ADAMTS17: variants seen among roughly 807,000 people sequenced by gnomAD.
The protein encoded by ADAMTS17 is A disintegrin and metalloproteinase with thrombospondin motifs 17.
Under a neutral mutation model 141.5 loss-of-function variants are expected in ADAMTS17, and 113 were observed. The observed-to-expected ratio is 0.80, with a 90% CI of 0.69 to 0.93. The LOEUF is 0.93. Ranked by LOEUF, ADAMTS17 falls within the 40% of genes least tolerant of loss-of-function variation. The pLI, the probability that ADAMTS17 is intolerant of heterozygous loss-of-function variation, is 0.00. For missense variants in ADAMTS17, 1,659 were observed against 1,517.9 expected, an observed-to-expected ratio of 1.09 and a Z score of -1.54; for synonymous variants, 768 against 630.6, an observed-to-expected ratio of 1.22 and a Z score of -3.27.
rs2033945202 is a variant in ADAMTS17, at chr15:100,071,188, C to T, written c.2138-17134G>A. On this transcript the variant is annotated intron_variant, in intron 15 of 21. Coordinates refer to ENST00000268070, the MANE Select transcript of ADAMTS17 (RefSeq NM_139057.4). Reference sequence around the variant, plus strand: ...ACACATACTCCCTCCCAAGACTAAACCAGGAAGAAGTTGAATCTCTGAATA... The same window carrying T: ...ACACATACTCCCTCCCAAGACTAAATCAGGAAGAAGTTGAATCTCTGAATA... Among the ~76,000 whole-genome samples, 3 of 150,326 alleles carry T rather than the reference C, an allele frequency of 2.0e-5. 1 individual carries two copies. The highest frequency in any genetic ancestry group is 3.0e-5 in the Non-Finnish European group (2 of 67,562).
intron 15 of ADAMTS17, among the ~76,000 whole-genome samples, chr15:100,092,328 C>A (rs1263883823): frequency 6.6e-6 from 1 of 152,202 alleles, no homozygotes; most frequent in Non-Finnish European, 1.5e-5. Flanking sequence ...ACACAACTTA[C>A]TCCCATTGAT....
intron 18 of ADAMTS17, among the ~76,000 whole-genome samples, chr15:100,017,484 T>G (rs1343760023): frequency 1.3e-5 from 2 of 152,240 alleles, no homozygotes; most frequent in Non-Finnish European, 2.9e-5. Flanking sequence ...TGGATCCCTG[T>G]GGTGCCAGGC....
At chr15:100,314,245 G>C (rs2045492320) in intron 3 of ADAMTS17, among the ~76,000 whole-genome samples, 1 of 152,228 alleles carries the variant, frequency 6.6e-6, no homozygotes, top group Admixed American at 6.5e-5. Flanking sequence ...TGTGAGTCTA[G>C]ACTGGATTCT....
intron 8 of ADAMTS17, among the ~76,000 whole-genome samples, chr15:100,162,280 A>G (rs1225567248): frequency 6.6e-6 from 1 of 151,634 alleles, no homozygotes; most frequent in Non-Finnish European, 1.5e-5. Context: ...CAGTCAAAGT[A>G]GCCTTGCCTG....
chr15:100,280,872 C>T (rs866555692), intron 4 of ADAMTS17, among the ~76,000 whole-genome samples: 36 of 151,908 alleles, frequency 2.4e-4, no homozygotes, highest in South Asian at 1.9e-3. Context: ...GGAATTTGTT[C>T]CCCCCGCTAG....
intron 18 of ADAMTS17, among the ~76,000 whole-genome samples, chr15:100,021,301 C>A (rs149582534): frequency 6.6e-6 from 1 of 152,134 alleles, no homozygotes; most frequent in African/African-American, 2.4e-5. Flanking sequence ...AAAGACCAGA[C>A]ATGCAGGGTT....
chr15:100,310,445 C>T (rs968488208), intron 3 of ADAMTS17, among the ~76,000 whole-genome samples: 1 of 152,242 alleles, frequency 6.6e-6, no homozygotes, highest in African/African-American at 2.4e-5. Context: ...AGGGGCCCAG[C>T]AGGCCAAGCA....
intron 15 of ADAMTS17, among the ~76,000 whole-genome samples, chr15:100,081,817 A>G (rs781292158): frequency 6.6e-6 from 1 of 152,210 alleles, no homozygotes; most frequent in Admixed American, 6.5e-5. Flanking sequence ...CTGATAACCA[A>G]CAAGGCTCAG....
chr15:100,305,151 A>T (rs1415122297), intron 3 of ADAMTS17, among the ~76,000 whole-genome samples: 1 of 152,098 alleles, frequency 6.6e-6, no homozygotes, highest in Non-Finnish European at 1.5e-5. Flanking sequence ...AGTACCCTTC[A>T]TCCTCAACCC....
At chr15:100,127,770 C>T (rs1483607311) in intron 12 of ADAMTS17, among the ~76,000 whole-genome samples, 1 of 133,812 alleles carries the variant, frequency 7.5e-6, no homozygotes, top group African/African-American at 2.5e-5. Flanking sequence ...TTAGTAGAGA[C>T]AGGGTTTCAC....
At chr15:100,011,330 AGGGAGGGAAGGAAAGGAGGAGGGAC>A (rs1387237334) in intron 18 of ADAMTS17, among the ~76,000 whole-genome samples, 3 of 100,614 alleles carry the variant, frequency 3.0e-5, no homozygotes, top group Non-Finnish European at 6.5e-5. Context: ...GATGGGAGGG[AGGGAGGGAAGGAAAGGAGGAGGGAC>A]GGGAGGGAGA....
intron 15 of ADAMTS17, among the ~76,000 whole-genome samples, chr15:100,070,651 A>G (rs1306322474): frequency 6.7e-6 from 1 of 150,272 alleles, no homozygotes; most frequent in African/African-American, 2.5e-5. Flanking sequence ...TACTGGGTAC[A>G]TAACGAAATG....
chr15:100,323,691 G>A (rs951996809), intron 3 of ADAMTS17, among the ~76,000 whole-genome samples: 3 of 152,088 alleles, frequency 2.0e-5, no homozygotes, highest in East Asian at 1.9e-4. Context: ...CCAGTTCTTC[G>A]AAAAGGTTAA....
intron 18 of ADAMTS17, among the ~76,000 whole-genome samples, chr15:100,004,617 C>CTTTTTTT (rs10591279): frequency 2.6e-5 from 3 of 116,240 alleles, no homozygotes; most frequent in Non-Finnish European, 5.3e-5. Flanking sequence ...TACTGTAATT[C>CTTTTTTT]TTTTTTTTTT....
chr15:100,164,936 A>G (rs1162711586), intron 8 of ADAMTS17, among the ~76,000 whole-genome samples: 4 of 152,262 alleles, frequency 2.6e-5, no homozygotes, highest in Admixed American at 2.6e-4. Flanking sequence ...CATCTATACC[A>G]TGTGTTGCTC....
intron 20 of ADAMTS17, among the ~76,000 whole-genome samples, chr15:99,976,805 G>C (rs12440866): frequency 3.9e-5 from 6 of 152,148 alleles, no homozygotes; most frequent in Admixed American, 2.0e-4. Flanking sequence ...AGGAATAAAT[G>C]TTTAAGCCAC....
At chr15:100,142,240 C>G (rs1384299778) in intron 10 of ADAMTS17, among the ~76,000 whole-genome samples, 1 of 152,178 alleles carries the variant, frequency 6.6e-6, no homozygotes, top group Non-Finnish European at 1.5e-5. Context: ...TTTGTCACCC[C>G]AAGCATCTCT....
At chr15:100,066,492 CT>C (rs911499369) in intron 15 of ADAMTS17, among the ~76,000 whole-genome samples, 3 of 152,010 alleles carry the variant, frequency 2.0e-5, no homozygotes, top group East Asian at 1.9e-4. Context: ...CTTCTGATAT[CT>C]TTTTTTCTTC....
intron 3 of ADAMTS17, among the ~76,000 whole-genome samples, chr15:100,282,035 T>G (rs1401832819): frequency 1.3e-5 from 2 of 152,180 alleles, no homozygotes; most frequent in African/African-American, 2.4e-5. Context: ...AATTCTCCAT[T>G]GATTCTCTAG....
Sources: gnomAD v4.1 joint callset for allele counts (sites outside exome capture counted in the v4.1 genomes callset) on GRCh38, gnomAD v4.1.1 for gene constraint, MANE v1.5 for transcripts, NCBI Gene and HGNC (gene_info 2026-07-23, HGNC 2026-07-21) for gene names.